Variants in RNGTT observed in about 807,000 individuals in gnomAD.
RNGTT encodes the protein mRNA-capping enzyme.
RNGTT carries 33 observed loss-of-function variants against 79.3 expected under a neutral mutation model. The observed-to-expected ratio is 0.42, with a 90% CI of 0.32 to 0.56. The LOEUF is 0.56. RNGTT is among the 20% of genes least tolerant of loss of function. The probability of loss-of-function intolerance (pLI) is 0.17; values close to 1 mark genes in which losing one functional copy is unlikely to be tolerated. For missense variants in RNGTT, 497 were observed against 739.1 expected (o/e 0.67, Z 3.80); for synonymous variants, 222 against 235.9 (o/e 0.94, Z 0.54).
chr6:88,847,504 T>C (rs893998391), intron 10 of RNGTT, among the ~76,000 whole-genome samples: 6 of 152,098 alleles, frequency 3.9e-5, no homozygotes, highest in African/African-American at 1.4e-4. Context: ...TTGTTAATCA[T>C]CCATAAAGAC....
At chr6:88,628,374 A>G (rs1772716379) in intron 14 of RNGTT, among the ~76,000 whole-genome samples, 1 of 152,130 alleles carries the variant, frequency 6.6e-6, no homozygotes, top group Non-Finnish European at 1.5e-5. Flanking sequence ...AAAATCATCA[A>G]ATAAAACCCT....
At chr6:88,756,593 G>GGC (rs1327467019) in intron 13 of RNGTT, among the ~76,000 whole-genome samples, 1 of 152,194 alleles carries the variant, frequency 6.6e-6, no homozygotes, top group African/African-American at 2.4e-5. Context: ...TACAGACTGA[G>GGC]TTAAATAAAA....
chr6:88,898,899 T>G (rs1783351725), intron 6 of RNGTT, among the ~76,000 whole-genome samples: 1 of 150,830 alleles, frequency 6.6e-6, no homozygotes, highest in African/African-American at 2.4e-5. Context: ...CATCTGTGTA[T>G]GTTTTAAAGC....
At position 88,686,233 on chromosome 6, in the gene RNGTT, G is replaced by T. The variant is rs752624599; in HGVS notation, c.1440-7814C>A. On this transcript the variant is annotated intron_variant, in intron 13 of 15. Coordinates refer to ENST00000369485, the MANE Select transcript of RNGTT (RefSeq NM_003800.5). ...AATAAAACTAACAAAAGAAGTGAAAGACCTTAATTAATAAAAGTATCAAAC... is the reference window on the plus strand; with the variant it reads ...AATAAAACTAACAAAAGAAGTGAAATACCTTAATTAATAAAAGTATCAAAC... Among the ~76,000 whole-genome samples, 4 of 151,504 alleles carry T rather than the reference G, an allele frequency of 2.6e-5. No homozygotes were observed. The East Asian group carries it at 7.8e-4, about 29-fold the overall frequency.
intron 8 of RNGTT, among the ~76,000 whole-genome samples, chr6:88,863,382 G>A (rs1361967167): frequency 6.6e-6 from 1 of 152,102 alleles, no homozygotes; most frequent in East Asian, 1.9e-4. Context: ...TTAATGAACA[G>A]TACTGGGTAA....
chr6:88,699,423 G>A (rs1029107798), intron 13 of RNGTT, among the ~76,000 whole-genome samples: 1 of 152,132 alleles, frequency 6.6e-6, no homozygotes, highest in Non-Finnish European at 1.5e-5. Context: ...GGTGGCTCAT[G>A]CCTGTAATCC....
chr6:88,859,553 C>T (rs1198377965), intron 8 of RNGTT, among the ~76,000 whole-genome samples: 1 of 152,164 alleles, frequency 6.6e-6, no homozygotes, highest in Non-Finnish European at 1.5e-5. Context: ...GGCCCTGTAG[C>T]TTAAGTTTGA....
intron 14 of RNGTT, among the ~76,000 whole-genome samples, chr6:88,647,846 G>A (rs1773638334): frequency 1.3e-5 from 2 of 151,666 alleles, no homozygotes; most frequent in South Asian, 4.2e-4. Flanking sequence ...CTTATGAAAA[G>A]TAAGTCTAAC....
chr6:88,834,650 TTC>T (rs1213582048), intron 11 of RNGTT, among the ~76,000 whole-genome samples: 1 of 152,160 alleles, frequency 6.6e-6, no homozygotes, highest in Non-Finnish European at 1.5e-5. Context: ...CTCTCAAAGG[TTC>T]TGTTTCTTTT....
intron 13 of RNGTT, among the ~76,000 whole-genome samples, chr6:88,755,914 TACACCACTGC>T (rs1459790178): frequency 1.6e-5 from 2 of 123,178 alleles, no homozygotes; most frequent in Non-Finnish European, 3.1e-5. Context: ...GAGCCAAGAT[TACACCACTGC>T]ACTCCAGCCT....
intron 10 of RNGTT, 54 bp downstream of exon 10, chr6:88,849,701 A>G (rs1372318650): frequency 6.9e-7 from 1 of 1,440,606 alleles, no homozygotes; most frequent in Admixed American, 2.4e-5. Context: ...TATTGTCAAA[A>G]ATACATTCAT....
At chr6:88,917,518 A>C (rs1256412509) in intron 4 of RNGTT, among the ~76,000 whole-genome samples, 4 of 152,212 alleles carry the variant, frequency 2.6e-5, no homozygotes, top group Admixed American at 1.3e-4. Flanking sequence ...GAAACATACT[A>C]AAGATTATAA....
intron 8 of RNGTT, among the ~76,000 whole-genome samples, chr6:88,875,637 A>G (rs1372043055): frequency 6.6e-6 from 1 of 152,136 alleles, no homozygotes; most frequent in African/African-American, 2.4e-5. Context: ...CTTATTCACA[A>G]TGCTATCTTA....
At chr6:88,648,486 A>C (rs927532690) in intron 14 of RNGTT, among the ~76,000 whole-genome samples, 29 of 147,810 alleles carry the variant, frequency 2.0e-4, no homozygotes, top group African/African-American at 6.6e-4. Flanking sequence ...TAATAATAAT[A>C]ATAATAATAA....
chr6:88,644,875 G>A (rs1167588459), intron 14 of RNGTT, among the ~76,000 whole-genome samples: 2 of 152,196 alleles, frequency 1.3e-5, no homozygotes, highest in African/African-American at 4.8e-5. Flanking sequence ...AGCTATTTAT[G>A]ACAAAGCCAC....
At chr6:88,827,308 G>A (rs1780701862) in intron 11 of RNGTT, among the ~76,000 whole-genome samples, 1 of 152,038 alleles carries the variant, frequency 6.6e-6, no homozygotes. Flanking sequence ...CTCTCCCCTA[G>A]CCAAGGGAAG....
chr6:88,888,645 TAAGG>T (rs564367219), intron 8 of RNGTT, among the ~76,000 whole-genome samples: 15 of 152,296 alleles, frequency 9.8e-5, no homozygotes, highest in African/African-American at 3.1e-4. Flanking sequence ...GCTAGTTCAT[TAAGG>T]AAGTTCAAAA....
intron 11 of RNGTT, among the ~76,000 whole-genome samples, chr6:88,825,239 C>G (rs2127883149): frequency 6.6e-6 from 1 of 152,292 alleles, no homozygotes; most frequent in East Asian, 1.9e-4. Flanking sequence ...TCACATTTGC[C>G]ATCTGTTGGT....
intron 13 of RNGTT, among the ~76,000 whole-genome samples, chr6:88,708,260 A>T (rs1489137505): frequency 6.6e-6 from 1 of 152,062 alleles, no homozygotes; most frequent in Non-Finnish European, 1.5e-5. Context: ...AGGTGAAACT[A>T]TCTTTTTCAA....
Sources: gnomAD v4.1 joint callset for allele counts (sites outside exome capture counted in the v4.1 genomes callset) on GRCh38, gnomAD v4.1.1 for gene constraint, MANE v1.5 for transcripts, NCBI Gene and HGNC (gene_info 2026-07-23, HGNC 2026-07-21) for gene names.